The following STK40 variants were observed in gnomAD, a reference collection of about 807,000 sequenced individuals.
STK40 encodes the protein serine/threonine-protein kinase 40.
A neutral mutation model predicts 47.9 loss-of-function variants in STK40; 13 were observed. The ratio of observed to expected loss-of-function variants is 0.27; its 90% CI spans 0.18 to 0.43. The LOEUF (loss-of-function observed/expected upper bound fraction) is 0.43, where lower values mean the gene tolerates loss of function less well. Ranked by LOEUF, STK40 falls within the 20% of genes least tolerant of loss-of-function variation. The pLI is 1.00. For synonymous variants in STK40, 225 were observed against 243.2 expected (o/e 0.93, Z 0.69); for missense variants, 460 against 595.1 (o/e 0.77, Z 2.36).
chr1:36,343,844 G>GTGCC lies in STK40; in HGVS notation c.1004+12_1004+15dup, dbSNP rs1434661386. ...AGGACGCAGCCTTGTGCCCGGTCAA[G>GTGCC]TGCCTGTCCACTTACCATGATGCAA... is the stretch of plus-strand genomic sequence containing the variant. On this transcript the variant is annotated intron_variant, in intron 9 of 10. Coordinates refer to ENST00000373132, the MANE Select transcript of STK40 (RefSeq NM_001282547.2). 1 of 1,568,050 alleles carries GTGCC rather than the reference G, an allele frequency of 6.4e-7. No homozygotes were observed. Among genetic ancestry groups the GTGCC allele is most frequent in the Non-Finnish European group, 8.7e-7 (1 of 1,151,190 alleles).
intron 1 of STK40, among the ~76,000 whole-genome samples, chr1:36,381,638 C>T (rs747859930): frequency 2.0e-5 from 3 of 152,110 alleles, no homozygotes; most frequent in Non-Finnish European, 2.9e-5. Flanking sequence ...CATGCCACCA[C>T]GCTTAACTAA....
intron 1 of STK40, among the ~76,000 whole-genome samples, chr1:36,384,837 C>T (rs530081830): frequency 6.4e-4 from 98 of 152,342 alleles, no homozygotes; most frequent in African/African-American, 2.2e-3. Flanking sequence ...ACACATTCTG[C>T]TCTTCCTTAT....
At chr1:36,378,507 G>A (rs973246712) in intron 1 of STK40, among the ~76,000 whole-genome samples, 2 of 151,830 alleles carry the variant, frequency 1.3e-5, no homozygotes, top group Non-Finnish European at 2.9e-5. Context: ...TCACCAGGCT[G>A]GAGTGCAGTG....
chr1:36,361,145 G>C (rs1646848693), intron 2 of STK40, 76 bp downstream of exon 2: 1 of 1,561,528 alleles, frequency 6.4e-7, no homozygotes. Flanking sequence ...GATGTCTGTA[G>C]GTCAGATCAT....
chr1:36,378,466 T>C (rs1456879718), intron 1 of STK40, among the ~76,000 whole-genome samples: 1 of 152,132 alleles, frequency 6.6e-6, no homozygotes, highest in East Asian at 1.9e-4. Context: ...GGGCTTTTTT[T>C]CTTTTTTTTT....
intron 1 of STK40, chr1:36,367,793 C>A: frequency 1.0e-6 from 1 of 986,124 alleles, no homozygotes; most frequent in Non-Finnish European, 1.2e-6. Context: ...CCACTCTACA[C>A]TGAGAAGCAT....
In STK40 at chr1:36,341,880, C is replaced by A; in HGVS notation, c.1183G>T (p.Ala395Ser). The A allele has an allele frequency of 1.2e-6, 2 of 1,613,884 alleles. No individual in the cohort carries two copies. The highest frequency in any genetic ancestry group is 1.1e-5 in the South Asian group (1 of 91,080). Reference sequence around the variant, plus strand: ...TGCCGCTTGGGTACCCAGCTCCGGGCGTCATGGATGGAGCTCTTCTCCTCG... The same window carrying A: ...TGCCGCTTGGGTACCCAGCTCCGGGAGTCATGGATGGAGCTCTTCTCCTCG... ...LAEEKSSIHD[A>S]RSWVPKRQFG... Residue 395 changes from alanine (A) to serine (S), a missense_variant, in exon 11 of 11, where the codon GCC becomes TCC. Coordinates refer to ENST00000373132, the MANE Select transcript of STK40 (RefSeq NM_001282547.2).
intron 1 of STK40, among the ~76,000 whole-genome samples, chr1:36,380,551 C>T (rs1647030626): frequency 6.6e-6 from 1 of 152,208 alleles, no homozygotes. Context: ...CCAGACCTCT[C>T]TCTAGATAAG....
intron 1 of STK40, among the ~76,000 whole-genome samples, chr1:36,376,212 C>G (rs778682678): frequency 1.3e-5 from 2 of 152,138 alleles, no homozygotes; most frequent in African/African-American, 2.4e-5. Flanking sequence ...TCACCAAGAG[C>G]TGGACACGGC....
At chr1:36,367,731 T>G in intron 1 of STK40, 1 of 830,068 alleles carries the variant, frequency 1.2e-6, no homozygotes, top group Non-Finnish European at 1.5e-6. Context: ...TCTGTCCTCA[T>G]GTCTACCCAA....
Position 36,355,235 on chromosome 1 carries a change from C to T in STK40, c.541G>A (p.Val181Met), listed in dbSNP as rs1452017656. ...TGCAGGGCCTCCACCACGCGGACCA[C>T]GTCGTAGAAGATTACCACAGTCTCC... ...ERETVVIFYD[V>M]VRVVEALHQK... is the part of the protein sequence containing the mutation. Residue 181 changes from valine (V) to methionine (M), a missense_variant, in exon 5 of 11, where the codon GTG becomes ATG. Coordinates refer to ENST00000373132, the MANE Select transcript of STK40 (RefSeq NM_001282547.2). 3 of 1,613,906 alleles carry T rather than the reference C, an allele frequency of 1.9e-6. No individual in the cohort carries two copies. Among genetic ancestry groups the T allele is most frequent in the Non-Finnish European group, 2.5e-6 (3 of 1,180,038 alleles).
chr1:36,344,111 A>T lies in STK40; in HGVS notation c.884+9T>A. The stretch of plus-strand genomic sequence containing the variant: ...CTGCCCCCCCCACCCCCCGGGAGGC[A>T]GGACTCACTCAGGAATGGTATACTC... On this transcript the variant is annotated intron_variant, in intron 8 of 10. Transcript: ENST00000373132. 8.2e-7 allele frequency: 1 copy of T among 1,215,818 alleles called. No individual in the cohort carries two copies. The highest frequency in any genetic ancestry group is 1.1e-6 in the Non-Finnish European group (1 of 881,222). 75.3% of individuals were successfully genotyped at this position (1,215,818 alleles called of 1,614,324 possible).
intron 1 of STK40, among the ~76,000 whole-genome samples, chr1:36,368,319 G>GA (rs1470367202): frequency 6.6e-6 from 1 of 152,136 alleles, no homozygotes; most frequent in South Asian, 2.1e-4. Context: ...CTGTCACCCA[G>GA]ACTGGAGTGC....
rs546455350 is a variant in STK40 at position 36,384,857 on chromosome 1, AACT to A, written c.-9+863_-9+865del. 1.3e-3 allele frequency among the ~76,000 whole-genome samples: 197 copies of A among 152,260 alleles called. 6 individuals are homozygous for A. The highest frequency in any genetic ancestry group is 0.011 in the Admixed American group (161 of 15,302). ...TTCTGCTCTTCCTTATCTCACGCAA[AACT>A]ACTCAAAGAGGGAAAGGCGCCCAGC... is the stretch of plus-strand genomic sequence containing the variant. On this transcript the variant is annotated intron_variant, in intron 1 of 10. Coordinates refer to ENST00000373132, the MANE Select transcript of STK40 (RefSeq NM_001282547.2).
At chr1:36,347,491 C>T (rs1646713994) in intron 7 of STK40, among the ~76,000 whole-genome samples, 2 of 152,204 alleles carry the variant, frequency 1.3e-5, no homozygotes, top group African/African-American at 4.8e-5. Flanking sequence ...GAGATGTCAT[C>T]TCTCTGAGCC....
chr1:36,375,882 C>A (rs902751855), intron 1 of STK40, among the ~76,000 whole-genome samples: 1 of 151,976 alleles, frequency 6.6e-6, no homozygotes, highest in African/African-American at 2.4e-5. Flanking sequence ...ATTAGCTGGG[C>A]GTGGTGGTGC....
chr1:36,343,029 G>C (rs1264135346), intron 10 of STK40: 1 of 601,410 alleles, frequency 1.7e-6, no homozygotes. Context: ...AGCAGGAAGG[G>C]TGAGAGAGAA....
At chr1:36,351,309 G>A (rs1244079597) in intron 6 of STK40, among the ~76,000 whole-genome samples, 1 of 152,184 alleles carries the variant, frequency 6.6e-6, no homozygotes, top group Non-Finnish European at 1.5e-5. Flanking sequence ...CTCCTTGAGA[G>A]CTCTCTGCTC....
intron 4 of STK40, among the ~76,000 whole-genome samples, chr1:36,356,880 G>C (rs1463362095): frequency 6.6e-6 from 1 of 152,044 alleles, no homozygotes; most frequent in Non-Finnish European, 1.5e-5. Flanking sequence ...AGATATCACA[G>C]ACAAAATACC....
Sources: allele counts gnomAD v4.1 joint callset (sites outside exome capture counted in the v4.1 genomes callset), GRCh38; gene constraint gnomAD v4.1.1; transcripts MANE v1.5; gene names NCBI Gene and HGNC (gene_info 2026-07-23, HGNC 2026-07-21).